Variants in ZNF679 observed in about 807,000 individuals in gnomAD.
ZNF679 encodes the protein hypothetical protein MGC42415.
ZNF679 carries 10 observed loss-of-function variants against 13.4 expected under a neutral mutation model. That is an observed-to-expected ratio of 0.75 (90% confidence interval 0.46 to 1.27). ZNF679 has a LOEUF of 1.27. Among genes scored for constraint, ZNF679 ranks in the 50% most tolerant of loss-of-function variants. ZNF679 has a pLI of 0.00. For synonymous variants in ZNF679, 179 were observed against 162.5 expected, an observed-to-expected ratio of 1.10 and a Z score of -0.77; for missense variants, 525 against 477.8, an observed-to-expected ratio of 1.10 and a Z score of -0.92.
At chr7:64,248,606 G>C (rs540091041) in intron 1 of ZNF679, among the ~76,000 whole-genome samples, 170 of 152,176 alleles carry the variant, frequency 1.1e-3, no homozygotes, top group Admixed American at 2.7e-3. Flanking sequence ...GATGAGATTT[G>C]GGTGGAGCCA....
intron 1 of ZNF679, among the ~76,000 whole-genome samples, chr7:64,235,366 T>G (rs1787694928): frequency 6.7e-6 from 1 of 149,802 alleles, no homozygotes; most frequent in Admixed American, 6.6e-5. Context: ...ACAAAACAGT[T>G]CTAAAACATA....
chr7:64,251,892 T>C (rs1787948619), intron 2 of ZNF679, among the ~76,000 whole-genome samples: 1 of 152,208 alleles, frequency 6.6e-6, no homozygotes, highest in Non-Finnish European at 1.5e-5. Context: ...AGCTAATCCC[T>C]TGCGACATTA....
At chr7:64,234,007 G>T (rs976063531) in intron 1 of ZNF679, among the ~76,000 whole-genome samples, 1 of 152,070 alleles carries the variant, frequency 6.6e-6, no homozygotes, top group African/African-American at 2.4e-5. Flanking sequence ...CTGGGAAGAG[G>T]ATAGAGGGGT....
intron 3 of ZNF679, 139 bp from the exon 4 acceptor site, chr7:64,260,695 A>C (rs12154469): frequency 0.24 from 239,314 of 1,017,422 alleles, 29,520 homozygotes; most frequent in Middle Eastern, 0.28. Context: ...ATATTTTCTA[A>C]ATAGTTAAAA....
chr7:64,252,239 G>A (rs898094558), intron 2 of ZNF679, among the ~76,000 whole-genome samples: 2 of 152,156 alleles, frequency 1.3e-5, no homozygotes, highest in African/African-American at 4.8e-5. Flanking sequence ...ACGTGTCTGT[G>A]TTCCAATCAG....
chr7:64,262,589 G>C (rs1195527937), intron 4 of ZNF679, among the ~76,000 whole-genome samples: 1 of 152,244 alleles, frequency 6.6e-6, no homozygotes, highest in African/African-American at 2.4e-5. Context: ...TCCATTGTCT[G>C]CTCATGGCAA....
intron 1 of ZNF679, among the ~76,000 whole-genome samples, chr7:64,247,481 C>G (rs757028508): frequency 6.6e-6 from 1 of 152,214 alleles, no homozygotes; most frequent in Non-Finnish European, 1.5e-5. Flanking sequence ...CCCTTACATA[C>G]TAATCACATA....
intron 1 of ZNF679, among the ~76,000 whole-genome samples, chr7:64,238,761 G>A (rs117048229): frequency 0.037 from 5,562 of 152,122 alleles, 196 homozygotes; most frequent in East Asian, 0.17. Flanking sequence ...TCTGAAAACA[G>A]CCCCAAAACA....
intron 1 of ZNF679, among the ~76,000 whole-genome samples, chr7:64,248,124 A>G (rs913196688): frequency 2.6e-5 from 4 of 152,060 alleles, no homozygotes; most frequent in Non-Finnish European, 5.9e-5. Context: ...AAGCAAGGCA[A>G]TATCTTACTT....
chr7:64,242,703 C>T (rs1787814110), intron 1 of ZNF679, among the ~76,000 whole-genome samples: 1 of 152,092 alleles, frequency 6.6e-6, no homozygotes, highest in African/African-American at 2.4e-5. Flanking sequence ...CTGGGCCCTA[C>T]TATAACACTC....
chr7:64,262,550 A>G (rs888181213), intron 4 of ZNF679, among the ~76,000 whole-genome samples: 2 of 152,176 alleles, frequency 1.3e-5, no homozygotes, highest in African/African-American at 4.8e-5. Flanking sequence ...CCAGTTTTCA[A>G]CATTGTCTGT....
chr7:64,261,518 T>A (rs1788077043), intron 4 of ZNF679, among the ~76,000 whole-genome samples: 1 of 152,150 alleles, frequency 6.6e-6, no homozygotes, highest in East Asian at 1.9e-4. Flanking sequence ...CATTTTACTG[T>A]GTTGCATATT....
intron 1 of ZNF679, among the ~76,000 whole-genome samples, chr7:64,247,656 C>A (rs1240310521): frequency 6.6e-6 from 1 of 152,054 alleles, no homozygotes; most frequent in Admixed American, 6.6e-5. Flanking sequence ...TGGGTTCAGG[C>A]GATTCTCCTG....
chr7:64,260,103 G>A, intron 2 of ZNF679, 118 bp from the exon 3 acceptor site: 3 of 890,998 alleles, frequency 3.4e-6, no homozygotes, highest in East Asian at 2.7e-5. Context: ...ACTCTTATAA[G>A]TGAGAAACAC....
chr7:64,232,805 G>A (rs1787658956), intron 1 of ZNF679, among the ~76,000 whole-genome samples: 1 of 152,164 alleles, frequency 6.6e-6, no homozygotes, highest in Admixed American at 6.6e-5. Context: ...TAAAAGGGGA[G>A]AGTCACATTA....
intron 2 of ZNF679, among the ~76,000 whole-genome samples, chr7:64,255,581 T>C (rs1787995000): frequency 6.6e-6 from 1 of 150,720 alleles, no homozygotes; most frequent in South Asian, 2.1e-4. Flanking sequence ...GTCCTATCAC[T>C]TACCTTGCAC....
At chr7:64,243,037 G>T (rs1787818683) in intron 1 of ZNF679, among the ~76,000 whole-genome samples, 2 of 152,190 alleles carry the variant, frequency 1.3e-5, no homozygotes, top group African/African-American at 4.8e-5. Flanking sequence ...TTAATTGTCT[G>T]CTGGGTGTGC....
At chr7:64,236,977 A>AAAG (rs1562840387) in intron 1 of ZNF679, among the ~76,000 whole-genome samples, 63 of 22,612 alleles carry the variant, frequency 2.8e-3, no homozygotes, top group African/African-American at 0.01. Context: ...AAGAAAGAAA[A>AAAG]AGAAAGAAAG....
At chr7:64,230,908 T>A (rs1787630402) in intron 1 of ZNF679, among the ~76,000 whole-genome samples, 1 of 152,192 alleles carries the variant, frequency 6.6e-6, no homozygotes, top group South Asian at 2.1e-4. Context: ...GTCATCATCT[T>A]TTTCTGTGGA....
Sources: allele counts gnomAD v4.1 joint callset (sites outside exome capture counted in the v4.1 genomes callset), GRCh38; gene constraint gnomAD v4.1.1; transcripts MANE v1.5; gene names NCBI Gene and HGNC (gene_info 2026-07-23, HGNC 2026-07-21).